HOXA11: variants seen among roughly 807,000 people sequenced by gnomAD.
The protein encoded by HOXA11 is homeobox A11.
A neutral mutation model predicts 22.5 loss-of-function variants in HOXA11; 8 were observed. The observed-to-expected ratio is 0.36, with a 90% CI of 0.21 to 0.64. HOXA11 has a LOEUF of 0.64. HOXA11 is among the 30% of genes least tolerant of loss of function. The pLI is 0.67. For synonymous variants in HOXA11, 211 were observed against 188.4 expected (o/e 1.12, Z -0.98); for missense variants, 388 against 429.0 (o/e 0.90, Z 0.84).
At chr7:27,184,317 T>A in intron 1 of HOXA11, 119 bp downstream of exon 1, 3 of 990,496 alleles carry the variant, frequency 3.0e-6, no homozygotes, top group Admixed American at 2.6e-5. Context: ...GGGGGAAACC[T>A]AAAGGCCCTT....
intron 1 of HOXA11, among the ~76,000 whole-genome samples, chr7:27,183,351 G>T (rs1361426936): frequency 6.6e-6 from 1 of 152,268 alleles, no homozygotes; most frequent in Non-Finnish European, 1.5e-5. Context: ...GCCAAGTGGG[G>T]GTTGCCGGCT....
Position 27,184,493 on chromosome 7 carries a change from T to C in HOXA11, c.652A>G (p.Ser218Gly), listed in dbSNP as rs1583441347. Residue 218 changes from serine to glycine, a missense_variant, in exon 1 of 2, where the codon AGC becomes GGC. Ser to Gly is a moderately conservative substitution (Grantham distance 56). Transcript: ENST00000006015. ...EEKERRRRPE[S>G]SSSPESSSGH... ...GAAGACGACTCGGGGCTGCTGCTGC[T>C]CTCGGGGCGCCGCCGCCGCTCTTTC... The C allele has an allele frequency of 1.3e-6, 2 of 1,540,052 alleles. No homozygotes were observed. Among genetic ancestry groups the C allele is most frequent in the Non-Finnish European group, 1.7e-6 (2 of 1,143,276 alleles).
In HOXA11 at chr7:27,184,615, G is replaced by A. The variant is rs944197403; in HGVS notation, c.530C>T (p.Ala177Val). 3.3e-6 allele frequency: 5 copies of A among 1,522,526 alleles called. No homozygotes were observed. The highest frequency in any genetic ancestry group is 8.8e-7 in the Non-Finnish European group (1 of 1,136,416). 94.3% of individuals were successfully genotyped at this position (1,522,526 alleles called of 1,614,324 possible). A position where few individuals can be genotyped will look rare whatever the true frequency, so the allele number is the denominator to read the frequency against. ...GCCCGTTGCAGCCGCCGCCGCCGCC[G>A]CGGAGGTCGCCGTGGCCGCCGGGGG... ...KGPPAATATS[A>V]AAAAAATGAP... The change falls in exon 1 of 2, where the codon GCG (alanine) becomes GTG (valine). Residue 177 changes from alanine to valine, a missense_variant. Physicochemically the swap from Ala to Val is moderately conservative, Grantham distance 64. Coordinates refer to ENST00000006015, the MANE Select transcript of HOXA11 (RefSeq NM_005523.6).
At chr7:27,183,683 T>A (rs1783804654) in intron 1 of HOXA11, among the ~76,000 whole-genome samples, 1 of 144,700 alleles carries the variant, frequency 6.9e-6, no homozygotes, top group Admixed American at 7.2e-5. Context: ...CGGCTCTATC[T>A]TAGGTAGGGT....
At position 27,182,901 on chromosome 7, in the gene HOXA11, G is replaced by A. The variant is rs766983697; in HGVS notation, c.837C>T (p.Asn279=). 1.9e-6 allele frequency: 3 copies of A among 1,613,970 alleles called. No homozygotes were observed. The highest frequency in any genetic ancestry group is 4.5e-5 in the East Asian group (2 of 44,884). The change falls in exon 2 of 2, where the codon AAC becomes AAT. Residue 279 remains asparagine (N), a synonymous_variant. Transcript: ENST00000006015. ...EKRLQLSRML[N]LTDRQVKIWF... ...AGATTTTGACTTGACGATCAGTGAG[G>A]TTGAGCATGCGGGACAGTTGCAGGC...
intron 1 of HOXA11, among the ~76,000 whole-genome samples, chr7:27,184,113 C>T (rs1783815184): frequency 6.6e-6 from 1 of 152,176 alleles, no homozygotes; most frequent in Non-Finnish European, 1.5e-5. Context: ...GGGGAATTTA[C>T]AGGCGCCCAC....
rs767649020 is a variant in HOXA11, at chr7:27,184,954, T to C, written c.191A>G (p.Glu64Gly). The change falls in exon 1 of 2, where the codon GAG becomes GGG. Residue 64 changes from glutamate to glycine, a missense_variant. Coordinates refer to ENST00000006015, the MANE Select transcript of HOXA11 (RefSeq NM_005523.6). Reference sequence around the variant, plus strand: ...TTTAGTGGCGGGCTCAATGGCGTACTCTCTGAAGGTCACTTCGCGCACGGG... The same window carrying C: ...TTTAGTGGCGGGCTCAATGGCGTACCCTCTGAAGGTCACTTCGCGCACGGG... ...VQPVREVTFR[E>G]YAIEPATKWH... The C allele has an allele frequency of 6.2e-7, 1 of 1,613,848 alleles. No individual in the cohort carries two copies. Among genetic ancestry groups the C allele is most frequent in the Non-Finnish European group, 8.5e-7 (1 of 1,179,876 alleles).
In HOXA11 at chr7:27,182,218, A is replaced by T. The variant is rs1356273137; in HGVS notation, c.*578T>A. 1 of 248,530 alleles carries T rather than the reference A, an allele frequency of 4.0e-6. No individual in the cohort carries two copies. The highest frequency in any genetic ancestry group is 7.9e-6 in the Non-Finnish European group (1 of 126,232). The allele number at this position is 248,530 out of a possible 1,614,324, so 15.4% of individuals were successfully genotyped here. A position where few individuals can be genotyped will look rare whatever the true frequency, so the allele number is the denominator to read the frequency against. Reference sequence around the variant, plus strand: ...GGAGGAGTGGAAAGACACTGATGCCACCTGGAATCATAGATTTCTTTTCCC... The same window carrying T: ...GGAGGAGTGGAAAGACACTGATGCCTCCTGGAATCATAGATTTCTTTTCCC... On this transcript the variant is annotated 3_prime_UTR_variant, in exon 2 of 2. Coordinates refer to ENST00000006015, the MANE Select transcript of HOXA11 (RefSeq NM_005523.6).
rs773026900 is a variant in HOXA11, at chr7:27,184,624, G to A, written c.521C>T (p.Ala174Val). Residue 174 changes from alanine to valine, a missense_variant, in exon 1 of 2, where the codon GCG (alanine) becomes GTG (valine). Ala to Val is a moderately conservative substitution (Grantham distance 64). Transcript: ENST00000006015. ...AGCCGCCGCCGCCGCCGCGGAGGTC[G>A]CCGTGGCCGCCGGGGGCCCCTTCTC... ...SAEKGPPAAT[A>V]TSAAAAAAAT... is the part of the protein sequence containing the mutation. 1.9e-6 allele frequency: 3 copies of A among 1,540,562 alleles called. No homozygotes were observed. Among genetic ancestry groups the A allele is most frequent in the South Asian group, 1.2e-5 (1 of 82,804 alleles).
rs1162850957 is a variant in HOXA11 at position 27,185,203 on chromosome 7, C to T, written c.-59G>A. 1 of 1,611,226 alleles carries T rather than the reference C, an allele frequency of 6.2e-7. No individual in the cohort carries two copies. Among genetic ancestry groups the T allele is most frequent in the Non-Finnish European group, 8.5e-7 (1 of 1,179,112 alleles). On this transcript the variant is annotated 5_prime_UTR_variant, in exon 1 of 2. Coordinates refer to ENST00000006015, the MANE Select transcript of HOXA11 (RefSeq NM_005523.6). ...AGCTTAACATGATTCTCCACTGCAGCTGCCTCTTTGAAGCGGATCCGTGAA... is the reference window on the plus strand; with the variant it reads ...AGCTTAACATGATTCTCCACTGCAGTTGCCTCTTTGAAGCGGATCCGTGAA...
chr7:27,184,905 G>A lies in HOXA11; in HGVS notation c.240C>T (p.Ala80=). ...ATKWHPRGNL[A]HCYSAEELVH... is the part of the protein sequence containing the mutation. Reference sequence around the variant, plus strand: ...CGAGCTCCTCCGCGGAGTAGCAGTGGGCCAGATTGCCGCGGGGGTGCCATT... The same window carrying A: ...CGAGCTCCTCCGCGGAGTAGCAGTGAGCCAGATTGCCGCGGGGGTGCCATT... Residue 80 remains alanine (A), a synonymous_variant, in exon 1 of 2, where the codon GCC becomes GCT. Transcript: ENST00000006015. 1 of 1,614,062 alleles carries A rather than the reference G, an allele frequency of 6.2e-7. No individual in the cohort carries two copies. Among genetic ancestry groups the A allele is most frequent in the Non-Finnish European group, 8.5e-7 (1 of 1,179,972 alleles).
chr7:27,183,939 C>T (rs1783811118), intron 1 of HOXA11, among the ~76,000 whole-genome samples: 1 of 152,136 alleles, frequency 6.6e-6, no homozygotes, highest in African/African-American at 2.4e-5. Flanking sequence ...TAATATATTG[C>T]TAGAGCTAAG....
intron 1 of HOXA11, 55 bp downstream of exon 1, chr7:27,184,381 C>T: frequency 6.5e-7 from 1 of 1,529,236 alleles, no homozygotes; most frequent in Non-Finnish European, 8.9e-7. Context: ...AGCGGTGCTG[C>T]GCTAGATTTC....
At chr7:27,183,996 A>G (rs578183045) in intron 1 of HOXA11, among the ~76,000 whole-genome samples, 1 of 152,166 alleles carries the variant, frequency 6.6e-6, no homozygotes, top group Non-Finnish European at 1.5e-5. Context: ...GTCGTTAAAC[A>G]GCGACGCCTT....
At position 27,182,993 on chromosome 7, in the gene HOXA11, T is replaced by C; in HGVS notation, c.745A>G (p.Thr249Ala). ...QRTRKKRCPY[T>A]KYQIRELERE... ...TCCAGCTCTCGGATCTGGTACTTGG[T>C]ATAGGGGCAGCGCTTTTTGCGGGTG... Residue 249 changes from threonine (T) to alanine (A), a missense_variant, in exon 2 of 2, where the codon ACC becomes GCC. Physicochemically the swap from Thr to Ala is moderately conservative, Grantham distance 58. Around this residue, in one of 4 missense-constraint regions of HOXA11, gnomAD observed 55 missense variants for 90.8 expected, o/e 0.61. Transcript: ENST00000006015. 6.2e-7 allele frequency: 1 copy of C among 1,614,056 alleles called. No homozygotes were observed. The highest frequency in any genetic ancestry group is 1.1e-5 in the South Asian group (1 of 91,076).
In HOXA11 at chr7:27,181,433, C is replaced by T. The variant is rs889249775; in HGVS notation, c.*1363G>A. The T allele has an allele frequency of 5.4e-5, 8 of 149,326 alleles. No homozygotes were observed. Among genetic ancestry groups the T allele is most frequent in the Non-Finnish European group, 1.1e-4 (8 of 74,440 alleles). The allele number at this position is 149,326 out of a possible 1,614,324, so 9.3% of individuals were successfully genotyped here. ...GAGATTAAAAAGACCATTCTCAATA[C>T]CTTTTCCACCCCCTCCAACACCCTA... is the stretch of plus-strand genomic sequence containing the variant. On this transcript the variant is annotated 3_prime_UTR_variant, in exon 2 of 2. Transcript: ENST00000006015.
chr7:27,183,173 C>T (rs1413099846), intron 1 of HOXA11, 145 bp from the exon 2 acceptor site: 1 of 627,718 alleles, frequency 1.6e-6, no homozygotes, highest in African/African-American at 1.8e-5. Context: ...CTGCCTTTAA[C>T]GCTCCGACTG....
Position 27,184,662 on chromosome 7 carries a change from C to G in HOXA11, c.483G>C (p.Gly161=), listed in dbSNP as rs544898158. 50 of 1,611,794 alleles carry G rather than the reference C, an allele frequency of 3.1e-5. No homozygotes were observed. The African/African-American group carries it at 6.3e-4, about 20-fold the overall frequency. Residue 161 remains glycine, a synonymous_variant, in exon 1 of 2, where the codon GGG becomes GGC. Transcript: ENST00000006015. Reference sequence around the variant, plus strand: ...GGGGCCCCTTCTCGGCGCTCTTGTCCCCGGGGTAGTCGGAGGAGGCGAGGT... The same window carrying G: ...GGGGCCCCTTCTCGGCGCTCTTGTCGCCGGGGTAGTCGGAGGAGGCGAGGT... ...PENLASSDYP[G]DKSAEKGPPA...
chr7:27,184,788 G>T lies in HOXA11; in HGVS notation c.357C>A (p.Thr119=). The T allele has an allele frequency of 6.2e-7, 1 of 1,613,960 alleles. No individual in the cohort carries two copies. The change falls in exon 1 of 2, where the codon ACC becomes ACA. Residue 119 remains threonine (T), a synonymous_variant. Coordinates refer to ENST00000006015, the MANE Select transcript of HOXA11 (RefSeq NM_005523.6). ...TATAGAAATTGGACGAGACTGCGGG[G>T]GTGGGGTGGTGGTAGACGTTGGCCG... ...KSSANVYHHP[T]PAVSSNFYST...
Sources: allele counts gnomAD v4.1 joint callset (sites outside exome capture counted in the v4.1 genomes callset), GRCh38; gene constraint gnomAD v4.1.1; regional missense constraint gnomAD v4.1.1; transcripts MANE v1.5; gene names NCBI Gene and HGNC (gene_info 2026-07-23, HGNC 2026-07-21).